The following DRAM1 variants were observed in gnomAD, a reference collection of about 807,000 sequenced individuals.
DRAM1 encodes the protein DNA damage regulated autophagy modulator 1.
Under a neutral mutation model 28.5 loss-of-function variants are expected in DRAM1, and 25 were observed. That is an observed-to-expected ratio of 0.88 (90% confidence interval 0.64 to 1.23). The LOEUF (loss-of-function observed/expected upper bound fraction) is 1.23. Among genes scored for constraint, DRAM1 ranks in the 50% most tolerant of loss-of-function variants. The pLI, the probability that DRAM1 is intolerant of heterozygous loss-of-function variation, is 0.00. For missense variants in DRAM1, 249 were observed against 299.2 expected (o/e 0.83, Z 1.24); for synonymous variants, 113 against 114.2 (o/e 0.99, Z 0.07).
At chr12:101,904,744 A>G (rs1455302887) in intron 3 of DRAM1, among the ~76,000 whole-genome samples, 3 of 151,920 alleles carry the variant, frequency 2.0e-5, no homozygotes, top group Admixed American at 6.6e-5. Flanking sequence ...CCTGGCTGAT[A>G]GAGCTTTATT....
At chr12:101,886,123 T>A (rs1432651672) in intron 1 of DRAM1, among the ~76,000 whole-genome samples, 3 of 152,238 alleles carry the variant, frequency 2.0e-5, no homozygotes, top group Admixed American at 1.3e-4. Flanking sequence ...TCCAGCACAG[T>A]TAGAGATGAA....
At chr12:101,879,148 C>T (rs1872602807) in intron 1 of DRAM1, among the ~76,000 whole-genome samples, 1 of 152,104 alleles carries the variant, frequency 6.6e-6, no homozygotes, top group South Asian at 2.1e-4. Context: ...GCGTGCACCA[C>T]CACACCTGGC....
chr12:101,902,944 A>C (rs929411572), intron 3 of DRAM1, among the ~76,000 whole-genome samples: 17 of 151,230 alleles, frequency 1.1e-4, no homozygotes, highest in African/African-American at 4.1e-4. Flanking sequence ...TTGTAGAGAC[A>C]GAGTCTTGCT....
rs568042197 is a variant in DRAM1 at position 101,923,576 on chromosome 12, T to A, written c.*2316T>A. On this transcript the variant is annotated 3_prime_UTR_variant, in exon 7 of 7. Coordinates refer to ENST00000258534, the MANE Select transcript of DRAM1 (RefSeq NM_018370.3). ...TAATATAGAATGGGATTTACTCTGC[T>A]TTACCAGTTAGTTTCATAATAAACA... The A allele has an allele frequency of 6.6e-6, 1 of 152,390 alleles. No homozygotes were observed. Among genetic ancestry groups the A allele is most frequent in the African/African-American group, 2.4e-5 (1 of 41,602 alleles). 9.4% of individuals were successfully genotyped at this position (152,390 alleles called of 1,614,324 possible).
At chr12:101,891,505 T>C (rs1873124652) in intron 1 of DRAM1, among the ~76,000 whole-genome samples, 1 of 152,272 alleles carries the variant, frequency 6.6e-6, no homozygotes, top group African/African-American at 2.4e-5. Flanking sequence ...AAGTGATTAT[T>C]CACTAGCTTA....
chr12:101,903,539 G>A (rs1213349563), intron 3 of DRAM1, among the ~76,000 whole-genome samples: 2 of 152,080 alleles, frequency 1.3e-5, no homozygotes, highest in African/African-American at 4.8e-5. Context: ...GATGAGGAGC[G>A]GGGAGGTATT....
intron 5 of DRAM1, among the ~76,000 whole-genome samples, chr12:101,918,590 A>G (rs1874345950): frequency 6.6e-6 from 1 of 152,180 alleles, no homozygotes; most frequent in Non-Finnish European, 1.5e-5. Flanking sequence ...CTGGATGAAA[A>G]CAGGATCAAA....
At chr12:101,890,860 C>G (rs1034068094) in intron 1 of DRAM1, among the ~76,000 whole-genome samples, 3 of 151,596 alleles carry the variant, frequency 2.0e-5, no homozygotes, top group Non-Finnish European at 4.4e-5. Flanking sequence ...AAGCGATTCT[C>G]CTGCCTCAGC....
In DRAM1 at chr12:101,896,038, C is replaced by G. The variant is rs150473760; in HGVS notation, c.132-1825C>G. On this transcript the variant is annotated intron_variant, in intron 1 of 6. Transcript: ENST00000258534. Reference sequence around the variant, plus strand: ...AGTAGCTGGGATTACAGGCACCCACCACCATGCTTAGCTAATTTTTGTATT... The same window carrying G: ...AGTAGCTGGGATTACAGGCACCCACGACCATGCTTAGCTAATTTTTGTATT... Among the ~76,000 whole-genome samples, 777 of 152,120 alleles carry G rather than the reference C, an allele frequency of 5.1e-3. 7 individuals carry two copies. The highest frequency in any genetic ancestry group is 6.0e-3 in the South Asian group (29 of 4,810).
chr12:101,879,319 G>A (rs1046751255), intron 1 of DRAM1, among the ~76,000 whole-genome samples: 22 of 152,218 alleles, frequency 1.4e-4, no homozygotes, highest in African/African-American at 5.3e-4. Flanking sequence ...ACAAGATGCA[G>A]GGAATACAGC....
chr12:101,901,368 A>T lies in DRAM1; in HGVS notation c.277A>T (p.Asn93Tyr). ...QTCYFSTPVFNLVSLVLGLVG... is the reference protein window; with the variant it reads ...QTCYFSTPVFYLVSLVLGLVG... ...CTGCTATTTCAGCACTCCTGTTTTT[A>T]ACTTGGTGTCTTTAGTGCTTGGATT... Residue 93 changes from asparagine (N) to tyrosine (Y), a missense_variant, in exon 3 of 7, where the codon AAC (asparagine) becomes TAC (tyrosine). Asn to Tyr is a moderately radical substitution (Grantham distance 143). Around this residue, in one of 3 missense-constraint regions of DRAM1, gnomAD observed 218 missense variants for 243.1 expected, o/e 0.90. Transcript: ENST00000258534. The T allele has an allele frequency of 1.2e-6, 2 of 1,614,108 alleles. No individual in the cohort carries two copies. The highest frequency in any genetic ancestry group is 1.7e-6 in the Non-Finnish European group (2 of 1,180,022).
chr12:101,921,327 G>C lies in DRAM1; in HGVS notation c.*67G>C. Reference sequence around the variant, plus strand: ...ATTTCTAAAAGTGCTACAGAGGACAGACAGGGTTTTGAGGCCACCCTGATT... The same window carrying C: ...ATTTCTAAAAGTGCTACAGAGGACACACAGGGTTTTGAGGCCACCCTGATT... On this transcript the variant is annotated 3_prime_UTR_variant, in exon 7 of 7. Coordinates refer to ENST00000258534, the MANE Select transcript of DRAM1 (RefSeq NM_018370.3). 1.4e-6 allele frequency: 2 copies of C among 1,406,830 alleles called. No individual in the cohort carries two copies. The highest frequency in any genetic ancestry group is 2.3e-5 in the East Asian group (1 of 43,844). The allele number at this position is 1,406,830 out of a possible 1,614,324, so 87.1% of individuals were successfully genotyped here. A position where few individuals can be genotyped will look rare whatever the true frequency, so the allele number is the denominator to read the frequency against.
chr12:101,903,544 G>A (rs920539729), intron 3 of DRAM1, among the ~76,000 whole-genome samples: 2 of 152,060 alleles, frequency 1.3e-5, no homozygotes, highest in Non-Finnish European at 2.9e-5. Context: ...GGAGCGGGGA[G>A]GTATTGGTCA....
At chr12:101,883,957 A>G (rs144845214) in intron 1 of DRAM1, among the ~76,000 whole-genome samples, 2,492 of 151,868 alleles carry the variant, frequency 0.016, 63 homozygotes, top group African/African-American at 0.057. Context: ...ATAAATAAAT[A>G]CAAAATAAAA....
intron 5 of DRAM1, among the ~76,000 whole-genome samples, chr12:101,914,872 G>A (rs886553549): frequency 9.9e-5 from 15 of 152,046 alleles, no homozygotes; most frequent in Non-Finnish European, 1.8e-4. Context: ...TGACCAGGCT[G>A]GTTTGGAGCT....
At position 101,895,503 on chromosome 12, in the gene DRAM1, G is replaced by A. The variant is rs1362263522; in HGVS notation, c.132-2360G>A. On this transcript the variant is annotated intron_variant, in intron 1 of 6. Coordinates refer to ENST00000258534, the MANE Select transcript of DRAM1 (RefSeq NM_018370.3). ...TAAATCCTAAACCCTTCAGGTTCTT[G>A]CAATACCAGTGACATTGAAATTGAA... 2.0e-5 allele frequency among the ~76,000 whole-genome samples: 3 copies of A among 150,158 alleles called. No individual in the cohort carries two copies. The East Asian group carries it at 5.9e-4, about 29-fold the overall frequency.
intron 1 of DRAM1, chr12:101,890,082 T>G (rs932858164): frequency 2.0e-5 from 9 of 452,148 alleles, no homozygotes; most frequent in Non-Finnish European, 4.0e-5. Context: ...CTTTTTTGAT[T>G]TTTATTTATT....
At chr12:101,885,780 G>A (rs10860811) in intron 1 of DRAM1, among the ~76,000 whole-genome samples, 21,259 of 151,782 alleles carry the variant, frequency 0.14, 1,858 homozygotes, top group East Asian at 0.28. Context: ...TGCCCACCTC[G>A]GCCTCAAAAA....
At chr12:101,897,159 G>A (rs181602562) in intron 1 of DRAM1, among the ~76,000 whole-genome samples, 2 of 152,004 alleles carry the variant, frequency 1.3e-5, no homozygotes, top group East Asian at 1.9e-4. Flanking sequence ...ATGTGTTTAT[G>A]TGTATTTAAC....
Sources: gnomAD v4.1 joint callset for allele counts (sites outside exome capture counted in the v4.1 genomes callset) on GRCh38, gnomAD v4.1.1 for gene constraint, gnomAD v4.1.1 regional missense constraint, MANE v1.5 for transcripts, NCBI Gene and HGNC (gene_info 2026-07-23, HGNC 2026-07-21) for gene names.